Variants in FAXC observed in about 807,000 individuals in gnomAD.
FAXC encodes the protein failed axon connections homolog.
A neutral mutation model predicts 41.9 loss-of-function variants in FAXC; 10 were observed. The observed-to-expected ratio is 0.24, with a 90% confidence interval of 0.15 to 0.41. FAXC has a LOEUF of 0.41. FAXC is among the 10% of genes least tolerant of loss of function. The pLI is 1.00. For synonymous variants in FAXC, 183 were observed against 183.8 expected (o/e 1.00, Z 0.03); for missense variants, 399 against 510.9 (o/e 0.78, Z 2.11).
At chr6:99,300,438 G>GT (rs1213896981) in intron 4 of FAXC, among the ~76,000 whole-genome samples, 1 of 152,188 alleles carries the variant, frequency 6.6e-6, no homozygotes, top group East Asian at 1.9e-4. Context: ...GCTCCCGGAA[G>GT]TCTTAAAGAT....
chr6:99,306,986 C>G (rs79405893), intron 4 of FAXC, among the ~76,000 whole-genome samples: 8,975 of 152,236 alleles, frequency 0.059, 567 homozygotes, highest in East Asian at 0.34. Context: ...GTGGGATAAA[C>G]CTTCCAGAGG....
chr6:99,319,784 A>G (rs901389872), intron 4 of FAXC, among the ~76,000 whole-genome samples: 1 of 152,172 alleles, frequency 6.6e-6, no homozygotes. Context: ...CGTATAAATC[A>G]TACTCCTAAT....
intron 5 of FAXC, among the ~76,000 whole-genome samples, chr6:99,284,598 T>TGTGTGA (rs34495212): frequency 0.16 from 22,414 of 142,704 alleles, 2,133 homozygotes; most frequent in African/African-American, 0.24. Context: ...TGTGTGTGTG[T>TGTGTGA]GATAAGCCTG....
At chr6:99,310,197 G>A (rs1015378274) in intron 4 of FAXC, among the ~76,000 whole-genome samples, 4 of 152,182 alleles carry the variant, frequency 2.6e-5, no homozygotes, top group Admixed American at 1.3e-4. Context: ...CAGACAGACC[G>A]AGCAAAGGTA....
chr6:99,317,591 G>C (rs955940379), intron 4 of FAXC, among the ~76,000 whole-genome samples: 2 of 152,182 alleles, frequency 1.3e-5, no homozygotes, highest in Admixed American at 1.3e-4. Context: ...GCCTGGATTT[G>C]AGTCTGGGCT....
chr6:99,349,060 A>G (rs750766561), intron 1 of FAXC, 47 bp downstream of exon 1: 1 of 1,584,086 alleles, frequency 6.3e-7, no homozygotes, highest in Non-Finnish European at 8.6e-7. Context: ...TGCCCTAGCC[A>G]GGTGCCCCTC....
At chr6:99,323,789 T>A in intron 3 of FAXC, 122 bp from the exon 4 acceptor site, 1 of 708,664 alleles carries the variant, frequency 1.4e-6, no homozygotes, top group Non-Finnish European at 2.4e-6. Context: ...ACTGCAGCTT[T>A]AATAAAGAGC....
At chr6:99,297,698 G>C (rs999092385) in intron 4 of FAXC, among the ~76,000 whole-genome samples, 2 of 152,164 alleles carry the variant, frequency 1.3e-5, no homozygotes, top group Non-Finnish European at 2.9e-5. Context: ...GACAAACCGA[G>C]CTCTACCTCC....
At chr6:99,340,292 G>C (rs538015436) in intron 2 of FAXC, among the ~76,000 whole-genome samples, 2 of 152,100 alleles carry the variant, frequency 1.3e-5, no homozygotes, top group Non-Finnish European at 2.9e-5. Flanking sequence ...ATAGAGATGG[G>C]GTTTCACCAT....
rs768724170 is a variant in FAXC, at chr6:99,281,198, A to G, written c.1196T>C (p.Met399Thr). Reference sequence around the variant, plus strand: ...CTGTTCGTGGTCTGTATAGTCATCCATGTCCACATCCGAATCAAAGAGTGA... The same window carrying G: ...CTGTTCGTGGTCTGTATAGTCATCCGTGTCCACATCCGAATCAAAGAGTGA... ...GHSLFDSDVD[M>T]DDYTDHEQCK is the part of the protein sequence containing the mutation. The change falls in exon 6 of 6, where the codon ATG (methionine) becomes ACG (threonine). Residue 399 changes from methionine (M) to threonine (T), a missense_variant. Coordinates refer to ENST00000389677, the MANE Select transcript of FAXC (RefSeq NM_032511.4). The G allele has an allele frequency of 1.3e-6, 2 of 1,547,988 alleles. No homozygotes were observed. Among genetic ancestry groups the G allele is most frequent in the African/African-American group, 1.4e-5 (1 of 73,564 alleles).
At chr6:99,299,281 T>G (rs932924600) in intron 4 of FAXC, among the ~76,000 whole-genome samples, 1 of 152,208 alleles carries the variant, frequency 6.6e-6, no homozygotes, top group Non-Finnish European at 1.5e-5. Flanking sequence ...TTCCCACTGG[T>G]CACTGTCAGC....
chr6:99,299,653 T>C (rs566810469), intron 4 of FAXC, among the ~76,000 whole-genome samples: 1 of 152,308 alleles, frequency 6.6e-6, no homozygotes, highest in African/African-American at 2.4e-5. Flanking sequence ...GTAATCTCAC[T>C]ATCCAAGCAT....
rs1450157375 is a variant in FAXC, at chr6:99,273,747, T to C, written c.*7417A>G. 1 of 152,084 alleles carries C rather than the reference T, an allele frequency of 6.6e-6. No individual in the cohort carries two copies. Among genetic ancestry groups the C allele is most frequent in the Non-Finnish European group, 1.5e-5 (1 of 68,034 alleles). The allele number at this position is 152,084 out of a possible 1,614,324, so 9.4% of individuals were successfully genotyped here. A position where few individuals can be genotyped will look rare whatever the true frequency, so the allele number is the denominator to read the frequency against. ...TAATCAATTACAGGCATCTGGGTGC[T>C]ACGCCTAAAGACTCCTTGTCCCATT... On this transcript the variant is annotated 3_prime_UTR_variant, in exon 6 of 6. Transcript: ENST00000389677.
Position 99,349,434 on chromosome 6 carries a change from G to A in FAXC, c.-62C>T. The A allele has an allele frequency of 5.1e-6, 6 of 1,185,234 alleles. No individual in the cohort carries two copies. The highest frequency in any genetic ancestry group is 2.8e-5 in the South Asian group (1 of 35,684). 73.4% of individuals were successfully genotyped at this position (1,185,234 alleles called of 1,614,324 possible). A position where few individuals can be genotyped will look rare whatever the true frequency, so the allele number is the denominator to read the frequency against. The stretch of plus-strand genomic sequence containing the variant: ...CGCGCCGCCCGCATGGGAAGGGGCC[G>A]GCGCGGCCCGGCGCGGGCTCAGAGG... On this transcript the variant is annotated 5_prime_UTR_variant, in exon 1 of 6. Transcript: ENST00000389677.
At chr6:99,294,989 G>A (rs921572793) in intron 4 of FAXC, among the ~76,000 whole-genome samples, 8 of 152,130 alleles carry the variant, frequency 5.3e-5, no homozygotes, top group African/African-American at 9.7e-5. Context: ...CGATGCTCTC[G>A]GTCTCCACAA....
At chr6:99,346,744 C>T (rs943821578) in intron 1 of FAXC, among the ~76,000 whole-genome samples, 3 of 152,138 alleles carry the variant, frequency 2.0e-5, no homozygotes, top group Non-Finnish European at 4.4e-5. Flanking sequence ...AAACTGCAGG[C>T]TCTGATTTGA....
intron 3 of FAXC, among the ~76,000 whole-genome samples, chr6:99,326,864 G>A (rs1276455226): frequency 3.3e-5 from 5 of 152,160 alleles, no homozygotes; most frequent in South Asian, 2.1e-4. Flanking sequence ...ATGGGGGCAC[G>A]CACACAAGGT....
chr6:99,341,508 G>A (rs1375217246), intron 2 of FAXC, among the ~76,000 whole-genome samples: 1 of 152,060 alleles, frequency 6.6e-6, no homozygotes, highest in African/African-American at 2.4e-5. Flanking sequence ...AATAGGAAGA[G>A]ACATCAATGG....
chr6:99,323,486 T>C lies in FAXC; in HGVS notation c.781A>G (p.Met261Val), dbSNP rs1462621981. ...IGRFSEEEIY[M>V]LMEKDMRSLA... ...GACCGCATGTCCTTCTCCATCAGCA[T>C]GTAAATCTCTTCCTCGGAGAAGCGG... Residue 261 changes from methionine to valine, a missense_variant, in exon 4 of 6, where the codon ATG becomes GTG. Physicochemically the swap from Met to Val is conservative, Grantham distance 21. Coordinates refer to ENST00000389677, the MANE Select transcript of FAXC (RefSeq NM_032511.4). 4 of 1,614,248 alleles carry C rather than the reference T, an allele frequency of 2.5e-6. No homozygotes were observed. The highest frequency in any genetic ancestry group is 2.7e-5 in the African/African-American group (2 of 75,072).
Sources: allele counts gnomAD v4.1 joint callset (sites outside exome capture counted in the v4.1 genomes callset), GRCh38; gene constraint gnomAD v4.1.1; transcripts MANE v1.5; gene names NCBI Gene and HGNC (gene_info 2026-07-23, HGNC 2026-07-21).